Variants in PREP observed in about 807,000 individuals in gnomAD.
PREP encodes the protein prolyl endopeptidase.
In PREP, 29 loss-of-function variants were observed where a neutral mutation model predicts 87.6. The observed-to-expected ratio is 0.33, with a 90% CI of 0.25 to 0.45. The LOEUF is 0.45. Ranked by LOEUF, PREP falls within the 20% of genes least tolerant of loss-of-function variation. The pLI is 1.00. For missense variants in PREP, 695 were observed against 886.5 expected, an observed-to-expected ratio of 0.78 and a Z score of 2.74; for synonymous variants, 337 against 328.6, an observed-to-expected ratio of 1.03 and a Z score of -0.28.
chr6:105,377,928 C>T (rs1387882025), intron 2 of PREP, among the ~76,000 whole-genome samples: 4 of 152,164 alleles, frequency 2.6e-5, no homozygotes, highest in Non-Finnish European at 5.9e-5. Flanking sequence ...ATCCACGCTC[C>T]TAACAAACAC....
At chr6:105,356,042 C>G (rs2114687963) in intron 6 of PREP, among the ~76,000 whole-genome samples, 1 of 152,182 alleles carries the variant, frequency 6.6e-6, no homozygotes, top group Non-Finnish European at 1.5e-5. Context: ...ATTTCTGGAT[C>G]TGTTTCTATT....
At chr6:105,334,849 TTAGCA>T (rs1002740413) in intron 7 of PREP, among the ~76,000 whole-genome samples, 1 of 152,190 alleles carries the variant, frequency 6.6e-6, no homozygotes, top group Admixed American at 6.5e-5. Context: ...CCTCCCTGCC[TTAGCA>T]TCCTGAGTAG....
At chr6:105,380,579 T>C (rs920965808) in intron 2 of PREP, among the ~76,000 whole-genome samples, 1 of 152,182 alleles carries the variant, frequency 6.6e-6, no homozygotes, top group Middle Eastern at 3.4e-3. Context: ...GGCTGGTCTC[T>C]AAAAGGGGCA....
chr6:105,324,063 T>C (rs561307317), intron 9 of PREP, among the ~76,000 whole-genome samples: 2 of 152,336 alleles, frequency 1.3e-5, no homozygotes, highest in South Asian at 4.1e-4. Flanking sequence ...TCTGTGAATA[T>C]GAGAAAAGGT....
intron 10 of PREP, among the ~76,000 whole-genome samples, chr6:105,311,927 G>A (rs558170736): frequency 1.3e-5 from 2 of 152,298 alleles, no homozygotes; most frequent in East Asian, 3.9e-4. Flanking sequence ...GAGCAATGGT[G>A]TCAAAGCATT....
At chr6:105,352,870 T>C (rs1562212238) in intron 7 of PREP, 102 bp downstream of exon 7, 6 of 994,200 alleles carry the variant, frequency 6.0e-6, no homozygotes, top group Non-Finnish European at 7.7e-6. Context: ...CATGATGTGG[T>C]AGAATGGAAG....
At position 105,373,517 on chromosome 6, in the gene PREP, G is replaced by A. The variant is rs573297341; in HGVS notation, c.447C>T (p.Asp149=). ...CTTTCATGAACTTGATTGTCACCCA[G>A]TCTGAGCCACTGGCACTCAGACCAT... ...FAYGLSASGS[D]WVTIKFMKVD... Residue 149 remains aspartate, a synonymous_variant, in exon 5 of 15, where the codon GAC becomes GAT. Coordinates refer to ENST00000652536, the MANE Select transcript of PREP (RefSeq NM_002726.5). 6.2e-7 allele frequency: 1 copy of A among 1,614,188 alleles called. No homozygotes were observed. Among genetic ancestry groups the A allele is most frequent in the Admixed American group, 1.7e-5 (1 of 60,022 alleles).
chr6:105,401,198 TAAA>T (rs1562232553), intron 1 of PREP, among the ~76,000 whole-genome samples: 20 of 152,184 alleles, frequency 1.3e-4, no homozygotes, highest in African/African-American at 4.8e-4. Flanking sequence ...CAAACATAAA[TAAA>T]CAAACTGTAG....
chr6:105,348,341 A>C (rs142870013), intron 7 of PREP, among the ~76,000 whole-genome samples: 1 of 152,374 alleles, frequency 6.6e-6, no homozygotes, highest in African/African-American at 2.4e-5. Context: ...TTATCAAGCA[A>C]GGCCACCTGA....
In PREP at chr6:105,277,000, AG is replaced by A. The variant is rs986375785; in HGVS notation, c.*1143del. Among the ~76,000 whole-genome samples, 1 of 152,138 alleles carries A rather than the reference AG, an allele frequency of 6.6e-6. No individual in the cohort carries two copies. The highest frequency in any genetic ancestry group is 1.5e-5 in the Non-Finnish European group (1 of 68,022). ...CATATCATCTGATAAAGCAAGACAA[AG>A]GAAAAAAAACTGTTTTAAGTTAGAT... is the stretch of plus-strand genomic sequence containing the variant. On this transcript the variant is annotated 3_prime_UTR_variant, in exon 15 of 15. Coordinates refer to ENST00000652536, the MANE Select transcript of PREP (RefSeq NM_002726.5).
At chr6:105,388,965 T>C (rs1170827603) in intron 2 of PREP, among the ~76,000 whole-genome samples, 1 of 152,242 alleles carries the variant, frequency 6.6e-6, no homozygotes, top group Non-Finnish European at 1.5e-5. Context: ...AAAACCACAC[T>C]TACAAGTCAC....
intron 2 of PREP, among the ~76,000 whole-genome samples, chr6:105,388,754 C>G (rs141682736): frequency 6.6e-6 from 1 of 152,186 alleles, no homozygotes; most frequent in Non-Finnish European, 1.5e-5. Flanking sequence ...ACATTTCCCA[C>G]GTCTACTACA....
chr6:105,340,934 A>G (rs1771629969), intron 7 of PREP, among the ~76,000 whole-genome samples: 1 of 152,232 alleles, frequency 6.6e-6, no homozygotes. Flanking sequence ...CCCACACAAT[A>G]ATAATGGGAG....
At chr6:105,307,057 C>A (rs533527615) in intron 10 of PREP, among the ~76,000 whole-genome samples, 17 of 152,302 alleles carry the variant, frequency 1.1e-4, no homozygotes, top group African/African-American at 4.1e-4. Flanking sequence ...AATAAAAAAG[C>A]AATTCTACTA....
chr6:105,323,106 G>C (rs2114645979), intron 10 of PREP: 1 of 1,304,096 alleles, frequency 7.7e-7, no homozygotes, highest in Non-Finnish European at 1.0e-6. Flanking sequence ...CAGTACCCTT[G>C]GGGAGCTGAA....
Position 105,291,331 on chromosome 6 carries a change from T to C in PREP, c.1318-2437A>G, listed in dbSNP as rs568448298. On this transcript the variant is annotated intron_variant, in intron 10 of 14. Transcript: ENST00000652536. ...TTTCATGAAGGATTTCTCTGTAGCA[T>C]GCAATGCTGTTTGTGATGGTTAATA... Among the ~76,000 whole-genome samples the C allele has an allele frequency of 2.0e-5, 3 of 152,288 alleles. No individual in the cohort carries two copies. The South Asian group carries it at 6.2e-4, about 32-fold the overall frequency.
Position 105,328,977 on chromosome 6 carries a change from A to C in PREP, c.1065T>G (p.His355Gln), listed in dbSNP as rs1293856643. The C allele has an allele frequency of 1.9e-6, 3 of 1,614,206 alleles. No individual in the cohort carries two copies. Among genetic ancestry groups the C allele is most frequent in the Admixed American group, 3.3e-5 (2 of 60,028 alleles). The change falls in exon 9 of 15, where the codon CAT becomes CAG. Residue 355 changes from histidine to glutamine, a missense_variant. By Grantham distance (24) the His-to-Gln change is conservative. Around this residue, in one of 5 missense-constraint regions of PREP, gnomAD observed 517 missense variants for 620.3 expected, o/e 0.83. Coordinates refer to ENST00000652536, the MANE Select transcript of PREP (RefSeq NM_002726.5). Reference sequence around the variant, plus strand: ...GGAGCTGCAGAATGTTCTTGACGTCATGGAGGTAGCATAAGACCAAGAAGT... The same window carrying C: ...GGAGCTGCAGAATGTTCTTGACGTCCTGGAGGTAGCATAAGACCAAGAAGT... ...RSNFLVLCYL[H>Q]DVKNILQLHD...
At chr6:105,323,087 T>G (rs1324289476) in intron 10 of PREP, 1 of 1,304,184 alleles carries the variant, frequency 7.7e-7, no homozygotes, top group Middle Eastern at 2.1e-4. Context: ...ATTCAGTTTC[T>G]GGAAGACTCA....
rs77637376 is a variant in PREP, at chr6:105,346,586, A to G, written c.823+6386T>C. Among the ~76,000 whole-genome samples, 100 of 152,334 alleles carry G rather than the reference A, an allele frequency of 6.6e-4. 1 individual carries two copies. The East Asian group carries it at 0.018, about 27-fold the overall frequency. ...GTCTGGGCAAATCCCAGGTAAGCTG[A>G]TATTTCCTTATAGAAATCAGCATGT... is the stretch of plus-strand genomic sequence containing the variant. On this transcript the variant is annotated intron_variant, in intron 7 of 14. Coordinates refer to ENST00000652536, the MANE Select transcript of PREP (RefSeq NM_002726.5).
Sources: allele counts gnomAD v4.1 joint callset (sites outside exome capture counted in the v4.1 genomes callset), GRCh38; gene constraint gnomAD v4.1.1; regional missense constraint gnomAD v4.1.1; transcripts MANE v1.5; gene names NCBI Gene and HGNC (gene_info 2026-07-23, HGNC 2026-07-21).